ERC1: variants seen among roughly 807,000 people sequenced by gnomAD.
The protein encoded by ERC1 is ELKS/RAB6-interacting/CAST family member 1, also known as RAB6 interacting protein 2.
Under a neutral mutation model 132.0 loss-of-function variants are expected in ERC1, and 56 were observed. The observed-to-expected ratio is 0.42, with a 90% CI of 0.34 to 0.53. ERC1 has a LOEUF of 0.53. Ranked by LOEUF, ERC1 falls within the 20% of genes least tolerant of loss-of-function variation. The pLI is 0.03. For missense variants in ERC1, 1,202 were observed against 1,349.9 expected, an observed-to-expected ratio of 0.89 and a Z score of 1.72; for synonymous variants, 478 against 476.1, an observed-to-expected ratio of 1.00 and a Z score of -0.05.
At chr12:1,217,658 C>T (rs1382262417) in intron 12 of ERC1, among the ~76,000 whole-genome samples, 2 of 152,192 alleles carry the variant, frequency 1.3e-5, no homozygotes, top group Non-Finnish European at 2.9e-5. Context: ...CACTTACTCT[C>T]GTCTCCACTC....
At chr12:1,384,542 T>A (rs2089099495) in intron 16 of ERC1, among the ~76,000 whole-genome samples, 1 of 152,256 alleles carries the variant, frequency 6.6e-6, no homozygotes, top group African/African-American at 2.4e-5. Context: ...CCAGCATTTT[T>A]TTTAATTTTA....
chr12:1,339,320 C>T lies in ERC1; in HGVS notation c.2781-32513C>T, dbSNP rs565111022. ...CAGTGGCAGAGGCAGCTCAGCTGGACGACTGTGACAGGGTGCTAGCAGGTG... is the reference window on the plus strand; with the variant it reads ...CAGTGGCAGAGGCAGCTCAGCTGGATGACTGTGACAGGGTGCTAGCAGGTG... On this transcript the variant is annotated intron_variant, in intron 15 of 18. Coordinates refer to ENST00000360905, the MANE Select transcript of ERC1 (RefSeq NM_178040.4). 3.4e-5 allele frequency among the ~76,000 whole-genome samples: 5 copies of T among 147,326 alleles called. No individual in the cohort carries two copies. In the South Asian group the frequency reaches 6.6e-4, roughly 19 times the overall value.
chr12:1,356,796 C>A (rs1377725632), intron 15 of ERC1, among the ~76,000 whole-genome samples: 1 of 152,196 alleles, frequency 6.6e-6, no homozygotes, highest in Non-Finnish European at 1.5e-5. Flanking sequence ...CAGGCATAGT[C>A]ATTGCCCATT....
At chr12:1,243,202 A>G (rs563309680) in intron 13 of ERC1, among the ~76,000 whole-genome samples, 1 of 143,988 alleles carries the variant, frequency 6.9e-6, no homozygotes, top group African/African-American at 2.7e-5. Flanking sequence ...TCAAAAAAAA[A>G]AAAAGAAAAA....
At position 1,052,660 on chromosome 12, in the gene ERC1, G is replaced by A. The variant is rs114641296; in HGVS notation, c.669+24088G>A. Among the ~76,000 whole-genome samples, 741 of 152,190 alleles carry A rather than the reference G, an allele frequency of 4.9e-3. 2 individuals are homozygous for A. The highest frequency in any genetic ancestry group is 0.017 in the African/African-American group (695 of 41,540). Reference sequence around the variant, plus strand: ...TCCATCTGAGAAAAAACATTAAAAAGTATTACGTATCTGAAAATGAAATTG... The same window carrying A: ...TCCATCTGAGAAAAAACATTAAAAAATATTACGTATCTGAAAATGAAATTG... On this transcript the variant is annotated intron_variant, in intron 2 of 18. Coordinates refer to ENST00000360905, the MANE Select transcript of ERC1 (RefSeq NM_178040.4).
In ERC1 at chr12:1,493,824, T is replaced by G. The variant is rs1592402054; in HGVS notation, c.*3594T>G. Reference sequence around the variant, plus strand: ...CTTGCGGGCTCACCCACCCCCAGAGTGAGAGAAGAGGAAGGCGAAGTCATC... The same window carrying G: ...CTTGCGGGCTCACCCACCCCCAGAGGGAGAGAAGAGGAAGGCGAAGTCATC... On this transcript the variant is annotated 3_prime_UTR_variant, in exon 19 of 19. Transcript: ENST00000360905. 2.7e-5 allele frequency: 6 copies of G among 223,562 alleles called. No individual in the cohort carries two copies. In the East Asian group the frequency reaches 3.2e-4, roughly 12 times the overall value. The allele number at this position is 223,562 out of a possible 1,614,324, so 13.8% of individuals were successfully genotyped here.
Position 1,354,586 on chromosome 12 carries a change from G to A in ERC1, c.2781-17247G>A, listed in dbSNP as rs544300031. On this transcript the variant is annotated intron_variant, in intron 15 of 18. Transcript: ENST00000360905. ...ATCTGGCTCTATAGTAATCATGCTG[G>A]CAATGCTAATTATAGTGAGTGTTTA... 6.6e-5 allele frequency among the ~76,000 whole-genome samples: 10 copies of A among 152,120 alleles called. No individual in the cohort carries two copies. In the South Asian group the frequency reaches 2.1e-3, roughly 32 times the overall value.
chr12:1,424,800 TAGATAGATA>T (rs2092555681), intron 17 of ERC1, among the ~76,000 whole-genome samples: 1 of 45,962 alleles, frequency 2.2e-5, no homozygotes, highest in Non-Finnish European at 5.1e-5. Context: ...AGATGATAGA[TAGATAGATA>T]GATAGATAGA....
chr12:1,043,639 G>A (rs1369074968), intron 2 of ERC1, among the ~76,000 whole-genome samples: 1 of 152,116 alleles, frequency 6.6e-6, no homozygotes, highest in Non-Finnish European at 1.5e-5. Flanking sequence ...ATTTTCATAT[G>A]TCTTGCTAGG....
At chr12:1,085,069 CATT>C (rs1289932882) in intron 3 of ERC1, among the ~76,000 whole-genome samples, 1 of 26,022 alleles carries the variant, frequency 3.8e-5, no homozygotes, top group Non-Finnish European at 9.5e-5. Flanking sequence ...ATGCCTGGCC[CATT>C]ATTATTATTA....
intron 2 of ERC1, among the ~76,000 whole-genome samples, chr12:1,047,385 AC>A (rs1373844762): frequency 6.6e-6 from 1 of 151,810 alleles, no homozygotes; most frequent in Non-Finnish European, 1.5e-5. Flanking sequence ...TATATATTCT[AC>A]CCCCCACCCC....
chr12:1,338,108 G>T (rs192882214), intron 15 of ERC1, among the ~76,000 whole-genome samples: 1 of 152,246 alleles, frequency 6.6e-6, no homozygotes, highest in East Asian at 1.9e-4. Context: ...AAGCTCTCAT[G>T]GATGATATCC....
chr12:1,078,585 T>G (rs1941702673), intron 2 of ERC1, among the ~76,000 whole-genome samples: 1 of 151,926 alleles, frequency 6.6e-6, no homozygotes, highest in African/African-American at 2.4e-5. Flanking sequence ...GTCTTTGTAT[T>G]AAAAAAGAAA....
At chr12:1,117,479 G>T (rs1306006397) in intron 7 of ERC1, among the ~76,000 whole-genome samples, 6 of 152,112 alleles carry the variant, frequency 3.9e-5, no homozygotes, top group Non-Finnish European at 7.4e-5. Context: ...AGATATTTGG[G>T]TATAAAATCA....
Position 1,083,560 on chromosome 12 carries a change from G to C in ERC1, c.1066G>C (p.Glu356Gln). 6.2e-7 allele frequency: 1 copy of C among 1,605,444 alleles called. No individual in the cohort carries two copies. Among genetic ancestry groups the C allele is most frequent in the Non-Finnish European group, 8.5e-7 (1 of 1,177,724 alleles). The change falls in exon 3 of 19, where the codon GAG becomes CAG. Residue 356 changes from glutamate (E) to glutamine (Q), a missense_variant. Glu to Gln is a conservative substitution (Grantham distance 29). Transcript: ENST00000360905. ...LESLLEQKEK[E>Q]NSMLREEMHR... The stretch of plus-strand genomic sequence containing the variant: ...AAGCCTTTTGGAGCAGAAGGAAAAA[G>C]AGAACAGTATGTTGAGAGAGGTATG...
At chr12:1,341,916 G>C (rs1055799248) in intron 15 of ERC1, among the ~76,000 whole-genome samples, 1 of 152,018 alleles carries the variant, frequency 6.6e-6, no homozygotes, top group Non-Finnish European at 1.5e-5. Context: ...TCAAAACTTC[G>C]TTTGAACTTA....
chr12:1,424,858 A>ATAGCTAGCTAGC (rs1228039902), intron 17 of ERC1, among the ~76,000 whole-genome samples: 83 of 118,908 alleles, frequency 7.0e-4, no homozygotes, highest in African/African-American at 3.1e-3. Flanking sequence ...AGATAGATAG[A>ATAGCTAGCTAGC]TAGATCGATA....
intron 17 of ERC1, among the ~76,000 whole-genome samples, chr12:1,424,453 T>C (rs2154401072): frequency 6.6e-6 from 1 of 152,358 alleles, no homozygotes; most frequent in East Asian, 1.9e-4. Context: ...TTCTGTTCTT[T>C]AGCTGTTTAA....
intron 2 of ERC1, among the ~76,000 whole-genome samples, chr12:1,062,271 T>C (rs781723995): frequency 5.9e-5 from 9 of 152,034 alleles, no homozygotes; most frequent in Non-Finnish European, 7.4e-5. Flanking sequence ...TGTGAGCCAA[T>C]GCGCCCGGCC....
Sources: allele counts gnomAD v4.1 joint callset (sites outside exome capture counted in the v4.1 genomes callset), GRCh38; gene constraint gnomAD v4.1.1; transcripts MANE v1.5; gene names NCBI Gene and HGNC (gene_info 2026-07-23, HGNC 2026-07-21).